Variants in MFSD2A observed in about 807,000 individuals in gnomAD.
MFSD2A encodes MFSD2 lysolipid transporter A, lysophospholipid, also known as sodium-dependent lysophosphatidylcholine symporter 1.
A neutral mutation model predicts 64.7 loss-of-function variants in MFSD2A; 27 were observed. The observed-to-expected ratio is 0.42, with a 90% CI of 0.31 to 0.58. MFSD2A has a LOEUF of 0.58. Ranked by LOEUF, MFSD2A falls within the 20% of genes least tolerant of loss-of-function variation. MFSD2A has a pLI of 0.18. For missense variants in MFSD2A, 474 were observed against 679.5 expected, an observed-to-expected ratio of 0.70 and a Z score of 3.36; for synonymous variants, 258 against 273.4, an observed-to-expected ratio of 0.94 and a Z score of 0.55.
rs527432838 is a variant in MFSD2A, at chr1:39,960,520, C to T, written c.353+1695C>T. On this transcript the variant is annotated intron_variant, in intron 3 of 13. Transcript: ENST00000372811. The surrounding 1 kb of genome is among the most constrained non-coding windows in gnomAD (Gnocchi z 4.8). ...CCCGGCGCCAGCCCGTGAGACTTGG[C>T]CCTGTGCCCGCCTCCCTGGCAGCCA... Among the ~76,000 whole-genome samples the T allele has an allele frequency of 4.6e-5, 7 of 152,252 alleles. No individual in the cohort carries two copies. The highest frequency in any genetic ancestry group is 7.2e-5 in the African/African-American group (3 of 41,474).
chr1:39,969,449 C>A, intron 13 of MFSD2A, 56 bp from the exon 14 acceptor site: 2 of 1,489,622 alleles, frequency 1.3e-6, no homozygotes, highest in Non-Finnish European at 1.8e-6. Context: ...GCAGGTGGGG[C>A]TGAGGAGGGG....
At position 39,968,997 on chromosome 1, in the gene MFSD2A, C is replaced by G. The variant is rs533761925; in HGVS notation, c.1529+252C>G. Among the ~76,000 whole-genome samples, 3 of 152,330 alleles carry G rather than the reference C, an allele frequency of 2.0e-5. No individual in the cohort carries two copies. The East Asian group carries it at 5.8e-4, about 29-fold the overall frequency. On this transcript the variant is annotated intron_variant, in intron 13 of 13. Coordinates refer to ENST00000372811, the MANE Select transcript of MFSD2A (RefSeq NM_032793.5). The surrounding 1 kb of genome is among the most constrained non-coding windows in gnomAD (Gnocchi z 4.4). Reference sequence around the variant, plus strand: ...GACAAAAATCTCTGTCCTTAAGGAGCCTGTTATAGGACGTGTGTATCCATC... The same window carrying G: ...GACAAAAATCTCTGTCCTTAAGGAGGCTGTTATAGGACGTGTGTATCCATC...
intron 3 of MFSD2A, chr1:39,962,910 A>C (rs1645076415): frequency 6.3e-7 from 1 of 1,578,418 alleles, no homozygotes; most frequent in South Asian, 1.1e-5. Flanking sequence ...CGGCCAGCGC[A>C]CCAGGTTCAA....
At position 39,967,083 on chromosome 1, in the gene MFSD2A, C is replaced by T. The variant is rs1430955529; in HGVS notation, c.928-3C>T. On this transcript the variant is annotated splice_polypyrimidine_tract_variant and splice_region_variant and intron_variant, in intron 8 of 13. Transcript: ENST00000372811. ...TTCCTTCCCTACCTTGCTCCATGCCCAGCTGGTGGAGGGGAACTTTGTCTT... is the reference window on the plus strand; with the variant it reads ...TTCCTTCCCTACCTTGCTCCATGCCTAGCTGGTGGAGGGGAACTTTGTCTT... 1.2e-6 allele frequency: 2 copies of T among 1,613,982 alleles called. No individual in the cohort carries two copies. The highest frequency in any genetic ancestry group is 2.2e-5 in the South Asian group (2 of 91,038).
rs181368928 is a variant in MFSD2A, at chr1:39,962,691, G to A, written c.354-2520G>A. On this transcript the variant is annotated intron_variant, in intron 3 of 13. Transcript: ENST00000372811. ...TGGACGGGGCCCGGGCCGAAGCTGC[G>A]GAGCTTGCTGAGGCAAGGCCGAGGA... 8.8e-4 allele frequency: 685 copies of A among 780,350 alleles called. 11 individuals carry two copies. In the East Asian group the frequency reaches 0.014, roughly 16 times the overall value. 48.3% of individuals were successfully genotyped at this position (780,350 alleles called of 1,614,324 possible). A position where few individuals can be genotyped will look rare whatever the true frequency, so the allele number is the denominator to read the frequency against.
At chr1:39,966,164 T>C (rs887946644) in intron 6 of MFSD2A, 150 bp downstream of exon 6, 2 of 948,320 alleles carry the variant, frequency 2.1e-6, no homozygotes, top group African/African-American at 3.3e-5. Context: ...ATACCTACTT[T>C]GCAGAAAAAG....
rs1216344393 is a variant in MFSD2A, at chr1:39,964,782, G to GGT, written c.354-419_354-418dup. ...ATGGGGTGTGTGTGTGTGTGAATGA[G>GGT]GTGTGTGTGTGAATGGGGTGTGTGT... On this transcript the variant is annotated intron_variant, in intron 3 of 13. Transcript: ENST00000372811. This position sits in a 1 kb window ranked among gnomAD's most constrained non-coding sequence, Gnocchi z 4.1. 3 of 197,962 alleles carry GGT rather than the reference G, an allele frequency of 1.5e-5. No individual in the cohort carries two copies. The highest frequency in any genetic ancestry group is 5.5e-5 in the Admixed American group (1 of 18,250). 12.3% of individuals were successfully genotyped at this position (197,962 alleles called of 1,614,324 possible). A position where few individuals can be genotyped will look rare whatever the true frequency, so the allele number is the denominator to read the frequency against.
Position 39,967,138 on chromosome 1 carries a change from A to G in MFSD2A, c.980A>G (p.Asn327Ser), listed in dbSNP as rs1192770453. 5.0e-6 allele frequency: 8 copies of G among 1,613,992 alleles called. No individual in the cohort carries two copies. Among genetic ancestry groups the G allele is most frequent in the South Asian group, 1.1e-5 (1 of 91,072 alleles). ...TGCACCTACACCTTGGGCTTCCGCA[A>G]TGAATTCCAGAATCTACTCCTGGCC... ...LFCTYTLGFR[N>S]EFQNLLLAIM... Residue 327 changes from asparagine to serine, a missense_variant, in exon 9 of 14, where the codon AAT (asparagine) becomes AGT (serine). By Grantham distance (46) the Asn-to-Ser change is conservative. Coordinates refer to ENST00000372811, the MANE Select transcript of MFSD2A (RefSeq NM_032793.5).
rs1334454953 is a variant in MFSD2A at position 39,968,794 on chromosome 1, T to C, written c.1529+49T>C. 1.3e-6 allele frequency: 2 copies of C among 1,599,714 alleles called. No individual in the cohort carries two copies. Among genetic ancestry groups the C allele is most frequent in the Non-Finnish European group, 1.7e-6 (2 of 1,172,228 alleles). On this transcript the variant is annotated intron_variant, in intron 13 of 13. Coordinates refer to ENST00000372811, the MANE Select transcript of MFSD2A (RefSeq NM_032793.5). The surrounding 1 kb of genome is among the most constrained non-coding windows in gnomAD (Gnocchi z 4.4). ...CTGGAGGAGGGGACGTCACTGTGTC[T>C]AAACCCTCAATTTGTGTCTCCTGTG...
At position 39,968,858 on chromosome 1, in the gene MFSD2A, C is replaced by A; in HGVS notation, c.1529+113C>A. 1 of 1,149,872 alleles carries A rather than the reference C, an allele frequency of 8.7e-7. No individual in the cohort carries two copies. Among genetic ancestry groups the A allele is most frequent in the Non-Finnish European group, 1.2e-6 (1 of 806,878 alleles). 71.2% of individuals were successfully genotyped at this position (1,149,872 alleles called of 1,614,324 possible). On this transcript the variant is annotated intron_variant, in intron 13 of 13. Coordinates refer to ENST00000372811, the MANE Select transcript of MFSD2A (RefSeq NM_032793.5). This position sits in a 1 kb window ranked among gnomAD's most constrained non-coding sequence, Gnocchi z 4.4. The stretch of plus-strand genomic sequence containing the variant: ...TCACCCCCCACACATCTTCTCTGGA[C>A]AGCTGTAACACTTAAGTACGCACCA...
In MFSD2A at chr1:39,965,229, C is replaced by T. The variant is rs1264666204; in HGVS notation, c.372C>T (p.Pro124=). 1.2e-6 allele frequency: 2 copies of T among 1,614,056 alleles called. No individual in the cohort carries two copies. The highest frequency in any genetic ancestry group is 8.5e-7 in the Non-Finnish European group (1 of 1,180,038). Residue 124 remains proline, a synonymous_variant, in exon 4 of 14, where the codon CCC becomes CCT. Transcript: ENST00000372811. This position sits in a 1 kb window ranked among gnomAD's most constrained non-coding sequence, Gnocchi z 5.5. ...RLMPWIIFST[P]LAVIAYFLIW... is the part of the protein sequence containing the mutation. ...TCCTCAGGATCATCTTCTCCACGCC[C>T]CTGGCCGTCATTGCCTACTTCCTCA...
rs369182187 is a variant in MFSD2A, at chr1:39,966,856, G to A, written c.851G>A (p.Gly284Asp). The change falls in exon 8 of 14, where the codon GGC becomes GAC. Residue 284 changes from glycine to aspartate, a missense_variant. By Grantham distance (94) the Gly-to-Asp change is moderately conservative (BLOSUM62 -1). Coordinates refer to ENST00000372811, the MANE Select transcript of MFSD2A (RefSeq NM_032793.5). ...TCTGAGCCAATCGCCTACTTCCGGG[G>A]CCTACGGCTGGTCATGAGCCACGGC... ...QQSEPIAYFR[G>D]LRLVMSHGPY... 1 of 1,613,874 alleles carries A rather than the reference G, an allele frequency of 6.2e-7. No individual in the cohort carries two copies.
chr1:39,968,091 A>T lies in MFSD2A; in HGVS notation c.1208+175A>T. ...TACAGGTAGTGAGCTTTGCAAGAAC[A>T]CCTAGTCAGAGTGAAAAATGGGGGC... is the stretch of plus-strand genomic sequence containing the variant. On this transcript the variant is annotated intron_variant, in intron 11 of 13. Coordinates refer to ENST00000372811, the MANE Select transcript of MFSD2A (RefSeq NM_032793.5). The surrounding 1 kb of genome is among the most constrained non-coding windows in gnomAD (Gnocchi z 4.4). The T allele has an allele frequency of 1.6e-6, 1 of 642,784 alleles. No homozygotes were observed. The highest frequency in any genetic ancestry group is 2.7e-5 in the East Asian group (1 of 36,678). 39.8% of individuals were successfully genotyped at this position (642,784 alleles called of 1,614,324 possible).
chr1:39,957,409 A>T (rs1452399566), intron 2 of MFSD2A, among the ~76,000 whole-genome samples, 188 bp downstream of exon 2: 2 of 152,088 alleles, frequency 1.3e-5, no homozygotes, highest in African/African-American at 4.8e-5. Context: ...GAGTGTCTCC[A>T]CTCCAGGAGT....
In MFSD2A at chr1:39,969,538, A is replaced by G. The variant is rs536126690; in HGVS notation, c.1563A>G (p.Thr521=). The G allele has an allele frequency of 2.5e-6, 4 of 1,599,546 alleles. No homozygotes were observed. In the African/African-American group the frequency reaches 4.1e-5, roughly 16 times the overall value. The change falls in exon 14 of 14, where the codon ACA becomes ACG. Residue 521 remains threonine, a synonymous_variant. Transcript: ENST00000372811. ...CCAGCAGCTCTGGCTGCTCAGAAAC[A>G]GACTCCACAGAGCTGGCTAGCATCC... The part of the protein sequence containing the change: ...DEASSSGCSE[T]DSTELASIL
intron 3 of MFSD2A, among the ~76,000 whole-genome samples, 195 bp downstream of exon 3, chr1:39,959,020 T>G (rs933464891): frequency 2.0e-5 from 3 of 152,062 alleles, no homozygotes; most frequent in Non-Finnish European, 2.9e-5. Flanking sequence ...CCAGTTCATT[T>G]CCAGGACAGC....
chr1:39,968,469 C>T lies in MFSD2A; in HGVS notation c.1344C>T (p.Leu448=). 6.2e-7 allele frequency: 1 copy of T among 1,614,174 alleles called. No homozygotes were observed. Among genetic ancestry groups the T allele is most frequent in the Non-Finnish European group, 8.5e-7 (1 of 1,180,012 alleles). ...GAGTGTCACTGGGCATTTCTACCCT[C>T]AGTCTGGAGTGAGTGGGGTGGGGAC... ...ASGVSLGIST[L]SLDFAGYQTR... Residue 448 remains leucine, a synonymous_variant, in exon 12 of 14, where the codon CTC becomes CTT. Coordinates refer to ENST00000372811, the MANE Select transcript of MFSD2A (RefSeq NM_032793.5). This position sits in a 1 kb window ranked among gnomAD's most constrained non-coding sequence, Gnocchi z 4.4.
chr1:39,955,811 C>A lies in MFSD2A; in HGVS notation c.93+426C>A. On this transcript the variant is annotated intron_variant, in intron 1 of 13. Coordinates refer to ENST00000372811, the MANE Select transcript of MFSD2A (RefSeq NM_032793.5). This position sits in a 1 kb window ranked among gnomAD's most constrained non-coding sequence, Gnocchi z 5.9. The stretch of plus-strand genomic sequence containing the variant: ...TTGCGCCTCAACTCTGCTGTTAGGG[C>A]CGCTCAAGTTCATTCATAAGAACAA... 2.8e-6 allele frequency: 1 copy of A among 352,662 alleles called. No homozygotes were observed. Among genetic ancestry groups the A allele is most frequent in the South Asian group, 2.1e-5 (1 of 47,070 alleles). The allele number at this position is 352,662 out of a possible 1,614,324, so 21.8% of individuals were successfully genotyped here.
chr1:39,961,059 C>T (rs553965816), intron 3 of MFSD2A, among the ~76,000 whole-genome samples: 2 of 152,254 alleles, frequency 1.3e-5, no homozygotes, highest in Admixed American at 6.5e-5. Context: ...GAGCTATTCT[C>T]CTGCCTCTGC....
Sources: gnomAD v4.1 joint callset for allele counts (sites outside exome capture counted in the v4.1 genomes callset) on GRCh38, gnomAD v4.1.1 for gene constraint, Gnocchi (gnomAD v3.1) non-coding constraint, MANE v1.5 for transcripts, NCBI Gene and HGNC (gene_info 2026-07-23, HGNC 2026-07-21) for gene names.